The following OXCT1 variants were observed in gnomAD, a reference collection of about 807,000 sequenced individuals.
The protein encoded by OXCT1 is succinyl-CoA:3-ketoacid coenzyme A transferase 1, mitochondrial.
Under a neutral mutation model 69.6 loss-of-function variants are expected in OXCT1, and 27 were observed. The observed-to-expected ratio is 0.39, with a 90% CI of 0.29 to 0.54. OXCT1 has a LOEUF of 0.54. Among genes scored for constraint, OXCT1 ranks in the 20% least tolerant of loss-of-function variants. OXCT1 has a pLI of 0.72. For synonymous variants in OXCT1, 202 were observed against 217.8 expected, an observed-to-expected ratio of 0.93 and a Z score of 0.64; for missense variants, 437 against 650.2, an observed-to-expected ratio of 0.67 and a Z score of 3.57.
At chr5:41,754,801 T>C (rs1743979045) in intron 14 of OXCT1, among the ~76,000 whole-genome samples, 1 of 151,812 alleles carries the variant, frequency 6.6e-6, no homozygotes, top group Non-Finnish European at 1.5e-5. Flanking sequence ...TATGTGGAGG[T>C]AATATATGGA....
intron 3 of OXCT1, among the ~76,000 whole-genome samples, chr5:41,857,111 A>G (rs1749464097): frequency 6.6e-6 from 1 of 152,094 alleles, no homozygotes. Flanking sequence ...TCCCCCTTCA[A>G]AGCCTATTCA....
At chr5:41,773,296 T>G (rs1744963433) in intron 13 of OXCT1, among the ~76,000 whole-genome samples, 1 of 151,070 alleles carries the variant, frequency 6.6e-6, no homozygotes, top group Non-Finnish European at 1.5e-5. Flanking sequence ...TGAGAACAGC[T>G]GGGCATGGTG....
At chr5:41,829,988 A>G (rs1463146660) in intron 7 of OXCT1, among the ~76,000 whole-genome samples, 7 of 152,206 alleles carry the variant, frequency 4.6e-5, no homozygotes, top group Non-Finnish European at 1.0e-4. Context: ...TTCATTCAGT[A>G]TGCTTATGTT....
intron 6 of OXCT1, among the ~76,000 whole-genome samples, chr5:41,841,071 A>G (rs564801014): frequency 6.6e-6 from 1 of 152,348 alleles, no homozygotes; most frequent in African/African-American, 2.4e-5. Context: ...TTTTGGAAGT[A>G]TAACACCCAC....
chr5:41,807,738 T>C (rs1746757277), intron 7 of OXCT1, among the ~76,000 whole-genome samples: 1 of 152,056 alleles, frequency 6.6e-6, no homozygotes. Flanking sequence ...GGTTTGTCAG[T>C]ACAGCAGCTT....
intron 13 of OXCT1, among the ~76,000 whole-genome samples, chr5:41,784,166 C>A (rs954584036): frequency 6.6e-6 from 1 of 152,100 alleles, no homozygotes; most frequent in African/African-American, 2.4e-5. Flanking sequence ...ACAAGTATTG[C>A]AAGATAATTT....
At chr5:41,838,677 CCA>C (rs1748489826) in intron 7 of OXCT1, among the ~76,000 whole-genome samples, 1 of 150,754 alleles carries the variant, frequency 6.6e-6, no homozygotes, top group African/African-American at 2.4e-5. Context: ...CAGGCTGGAG[CCA>C]CAGTGACACA....
chr5:41,742,614 T>G (rs1250232689), intron 15 of OXCT1, among the ~76,000 whole-genome samples: 2 of 152,184 alleles, frequency 1.3e-5, no homozygotes, highest in African/African-American at 4.8e-5. Flanking sequence ...GTATATCTCC[T>G]AATGCTATCC....
chr5:41,800,028 T>C (rs1476945888), intron 11 of OXCT1, among the ~76,000 whole-genome samples: 2 of 152,128 alleles, frequency 1.3e-5, no homozygotes, highest in Non-Finnish European at 2.9e-5. Flanking sequence ...ATTAGCTTCT[T>C]ATGGGCAGCT....
At chr5:41,740,266 G>A (rs1030998670) in intron 15 of OXCT1, among the ~76,000 whole-genome samples, 6 of 152,166 alleles carry the variant, frequency 3.9e-5, no homozygotes, top group Admixed American at 6.5e-5. Context: ...ACAGAAGAAG[G>A]TGCTCTGAAG....
At chr5:41,765,202 ATTCC>A (rs1418299170) in intron 13 of OXCT1, among the ~76,000 whole-genome samples, 1 of 152,142 alleles carries the variant, frequency 6.6e-6, no homozygotes. Context: ...CCAGATCTCT[ATTCC>A]AGTTAGGGGT....
rs1022815821 is a variant in OXCT1, at chr5:41,805,692, A to C, written c.841-11T>G. 6.6e-7 allele frequency: 1 copy of C among 1,512,218 alleles called. No individual in the cohort carries two copies. Among genetic ancestry groups the C allele is most frequent in the African/African-American group, 1.4e-5 (1 of 72,878 alleles). The allele number at this position is 1,512,218 out of a possible 1,614,324, so 93.7% of individuals were successfully genotyped here. A position where few individuals can be genotyped will look rare whatever the true frequency, so the allele number is the denominator to read the frequency against. On this transcript the variant is annotated splice_polypyrimidine_tract_variant and intron_variant, in intron 8 of 16. Transcript: ENST00000196371. The stretch of plus-strand genomic sequence containing the variant: ...CCGGATTGATAAACGCTTTAAATTA[A>C]ACAGAAATAAATTATTCGTGGTTGA...
At chr5:41,867,745 G>A (rs1430536529) in intron 1 of OXCT1, among the ~76,000 whole-genome samples, 1 of 152,230 alleles carries the variant, frequency 6.6e-6, no homozygotes, top group Non-Finnish European at 1.5e-5. Context: ...TGCAGCTCAG[G>A]AGAGTCAGAG....
chr5:41,832,390 G>C (rs1228831479), intron 7 of OXCT1, among the ~76,000 whole-genome samples: 3 of 151,598 alleles, frequency 2.0e-5, no homozygotes, highest in Non-Finnish European at 4.4e-5. Flanking sequence ...GGAAAGTAAG[G>C]GAAAAGAACA....
chr5:41,853,533 C>A lies in OXCT1; in HGVS notation c.300G>T (p.Gly100=), dbSNP rs140290234. Residue 100 remains glycine, a synonymous_variant, in exon 4 of 17, where the codon GGG becomes GGT. Coordinates refer to ENST00000196371, the MANE Select transcript of OXCT1 (RefSeq NM_000436.4). ...TTATCTGCTTGGACCGAAGCAAAAGCCCCAAACCAAAATTGTCAACCCTAG... is the reference window on the plus strand; with the variant it reads ...TTATCTGCTTGGACCGAAGCAAAAGACCCAAACCAAAATTGTCAACCCTAG... The part of the protein sequence containing the change: ...NNAGVDNFGL[G]LLLRSKQIKR... The A allele has an allele frequency of 2.5e-5, 40 of 1,613,874 alleles. No homozygotes were observed. The African/African-American group carries it at 2.5e-4, about 10-fold the overall frequency.
intron 13 of OXCT1, among the ~76,000 whole-genome samples, chr5:41,773,412 GAAAA>G (rs1412077994): frequency 8.8e-6 from 1 of 113,328 alleles, no homozygotes. Context: ...CTGTCTCTAC[GAAAA>G]AAAAAAAAAA....
chr5:41,805,440 T>A (rs1240328928), intron 9 of OXCT1, 127 bp downstream of exon 9: 49 of 620,212 alleles, frequency 7.9e-5, no homozygotes, highest in Middle Eastern at 5.5e-4. Context: ...AAAAAAAAAA[T>A]TGATTAATTA....
At chr5:41,850,313 C>A in intron 4 of OXCT1, 134 bp from the exon 5 acceptor site, 1 of 945,620 alleles carries the variant, frequency 1.1e-6, no homozygotes, top group South Asian at 1.4e-5. Context: ...CATTAGCATA[C>A]TTCACTAATA....
chr5:41,834,063 G>A (rs142681832), intron 7 of OXCT1, among the ~76,000 whole-genome samples: 2 of 151,042 alleles, frequency 1.3e-5, no homozygotes, highest in Middle Eastern at 3.5e-3. Flanking sequence ...ATTTGTTTAT[G>A]CAATTAGTGT....
Sources: allele counts gnomAD v4.1 joint callset (sites outside exome capture counted in the v4.1 genomes callset), GRCh38; gene constraint gnomAD v4.1.1; transcripts MANE v1.5; gene names NCBI Gene and HGNC (gene_info 2026-07-23, HGNC 2026-07-21).